The following OPTN variants were observed in gnomAD, a reference collection of about 807,000 sequenced individuals.
The protein encoded by OPTN is optineurin.
In OPTN, 54 loss-of-function variants were observed where a neutral mutation model predicts 70.4. That is an observed-to-expected ratio of 0.77 (90% CI 0.62 to 0.96). The LOEUF (loss-of-function observed/expected upper bound fraction) is 0.96, where lower values mean the gene tolerates loss of function less well. Among genes scored for constraint, OPTN ranks in the 40% least tolerant of loss-of-function variants. The pLI is 0.00. For missense variants in OPTN, 624 were observed against 673.2 expected, an observed-to-expected ratio of 0.93 and a Z score of 0.81; for synonymous variants, 256 against 248.5, an observed-to-expected ratio of 1.03 and a Z score of -0.28.
rs1346865805 is a variant in OPTN, at chr10:13,110,416, G to C, written c.309G>C (p.Glu103Asp). The C allele has an allele frequency of 3.1e-6, 5 of 1,614,026 alleles. No individual in the cohort carries two copies. In the East Asian group the frequency reaches 8.9e-5, roughly 29 times the overall value. The change falls in exon 4 of 15, where the codon GAG becomes GAC. Residue 103 changes from glutamate to aspartate, a missense_variant. Transcript: ENST00000378747. ...AKERLMALSH[E>D]NEKLKEELGK... ...AGCGTCTAATGGCCTTGAGTCATGA[G>C]AATGAGAAATTGAAGGAAGAGCTTG... is the stretch of plus-strand genomic sequence containing the variant.
chr10:13,118,224 G>A (rs1258017854), intron 6 of OPTN, among the ~76,000 whole-genome samples: 1 of 152,246 alleles, frequency 6.6e-6, no homozygotes. Context: ...TATTAGCTAT[G>A]CGAACCTGAG....
chr10:13,113,066 G>A (rs567077144), intron 5 of OPTN, among the ~76,000 whole-genome samples: 25 of 152,140 alleles, frequency 1.6e-4, no homozygotes, highest in Admixed American at 6.5e-4. Context: ...CTGTCTTCCC[G>A]GCTGGAATGC....
At position 13,110,470 on chromosome 10, in the gene OPTN, A is replaced by T; in HGVS notation, c.363A>T (p.Ser121=). The change falls in exon 4 of 15, where the codon TCA becomes TCT. Residue 121 remains serine, a synonymous_variant. Coordinates refer to ENST00000378747, the MANE Select transcript of OPTN (RefSeq NM_001008212.2). ...AACTAAAAGGGAAATCAGAAAGGTC[A>T]TCTGAGGTGAGCAGACCGATCCATT... ...LGKLKGKSER[S]SEDPTDDSRL... is the part of the protein sequence containing the mutation. The T allele has an allele frequency of 6.2e-7, 1 of 1,612,892 alleles. No individual in the cohort carries two copies. Among genetic ancestry groups the T allele is most frequent in the Non-Finnish European group, 8.5e-7 (1 of 1,179,436 alleles).
At chr10:13,134,976 A>G (rs1376544236) in intron 14 of OPTN, among the ~76,000 whole-genome samples, 1 of 152,162 alleles carries the variant, frequency 6.6e-6, no homozygotes, top group Non-Finnish European at 1.5e-5. Context: ...TTCTCTGGCA[A>G]TGGGGTGATT....
At position 13,110,494 on chromosome 10, in the gene OPTN, T is replaced by A; in HGVS notation, c.369+18T>A. 6.4e-7 allele frequency: 1 copy of A among 1,563,376 alleles called. No individual in the cohort carries two copies. Among genetic ancestry groups the A allele is most frequent in the Non-Finnish European group, 8.7e-7 (1 of 1,155,840 alleles). On this transcript the variant is annotated intron_variant, in intron 4 of 14. Coordinates refer to ENST00000378747, the MANE Select transcript of OPTN (RefSeq NM_001008212.2). ...CATCTGAGGTGAGCAGACCGATCCATTGTGATGTTGTTTTTTTTTTTTCCC... is the reference window on the plus strand; with the variant it reads ...CATCTGAGGTGAGCAGACCGATCCAATGTGATGTTGTTTTTTTTTTTTCCC...
intron 14 of OPTN, 124 bp downstream of exon 14, chr10:13,133,705 G>A (rs911355176): frequency 3.1e-5 from 25 of 810,042 alleles, no homozygotes; most frequent in African/African-American, 6.8e-5. Context: ...TATAGCACCC[G>A]TCAGTCTCAT....
intron 6 of OPTN, among the ~76,000 whole-genome samples, chr10:13,118,366 T>C (rs1225052115): frequency 6.6e-6 from 1 of 152,242 alleles, no homozygotes; most frequent in Non-Finnish European, 1.5e-5. Context: ...AGAAAAATAC[T>C]TGACATATCA....
intron 1 of OPTN, among the ~76,000 whole-genome samples, chr10:13,101,392 AC>A (rs1288671596): frequency 1.4e-5 from 1 of 71,656 alleles, no homozygotes; most frequent in Non-Finnish European, 2.8e-5. Context: ...CCTAACCTCC[AC>A]CCCCCCACCC....
At chr10:13,116,450 GA>G in intron 6 of OPTN, 110 bp downstream of exon 6, 1 of 767,828 alleles carries the variant, frequency 1.3e-6, no homozygotes, top group South Asian at 1.4e-5. Context: ...ACTTCTTTAT[GA>G]TTTATACCAG....
chr10:13,122,454 G>A lies in OPTN; in HGVS notation c.849G>A (p.Glu283=), dbSNP rs1833371164. 1 of 1,613,916 alleles carries A rather than the reference G, an allele frequency of 6.2e-7. No homozygotes were observed. The highest frequency in any genetic ancestry group is 8.5e-7 in the Non-Finnish European group (1 of 1,179,894). The change falls in exon 8 of 15, where the codon GAG becomes GAA. Residue 283 remains glutamate (E), a synonymous_variant. Coordinates refer to ENST00000378747, the MANE Select transcript of OPTN (RefSeq NM_001008212.2). ...EIETQTEGST[E]KENDEEKGPE... is the part of the protein sequence containing the mutation. ...AAACCCAGACAGAGGGGAGCACAGA[G>A]AAAGAGAATGATGAAGAGAAAGGCC... is the stretch of plus-strand genomic sequence containing the variant.
chr10:13,111,599 A>G (rs991215968), intron 4 of OPTN, among the ~76,000 whole-genome samples: 2 of 151,934 alleles, frequency 1.3e-5, no homozygotes, highest in Admixed American at 6.6e-5. Context: ...TTGGGAGGCT[A>G]AGGCAGGAGA....
chr10:13,109,315 C>T, intron 3 of OPTN, 27 bp downstream of exon 3: 1 of 1,612,694 alleles, frequency 6.2e-7, no homozygotes, highest in Non-Finnish European at 8.5e-7. Context: ...CCTGTGTGCC[C>T]CATTCATCCT....
Position 13,112,640 on chromosome 10 carries a change from G to C in OPTN, c.552+5G>C, listed in dbSNP as rs777454755. On this transcript the variant is annotated splice_donor_5th_base_variant and intron_variant, in intron 5 of 14. Coordinates refer to ENST00000378747, the MANE Select transcript of OPTN (RefSeq NM_001008212.2). ...TTTGTTGAAATTAGGATGGCTGTGAGTTTTTGGTTTTATTTTTGTTTTGAG... is the reference window on the plus strand; with the variant it reads ...TTTGTTGAAATTAGGATGGCTGTGACTTTTTGGTTTTATTTTTGTTTTGAG... 1.9e-6 allele frequency: 3 copies of C among 1,613,934 alleles called. No homozygotes were observed. The highest frequency in any genetic ancestry group is 2.5e-6 in the Non-Finnish European group (3 of 1,179,958).
At chr10:13,136,374 G>A (rs995157770) in intron 14 of OPTN, among the ~76,000 whole-genome samples, 3 of 151,846 alleles carry the variant, frequency 2.0e-5, no homozygotes, top group Non-Finnish European at 4.4e-5. Context: ...TGGGCGTGGT[G>A]GCGCGCACCT....
chr10:13,127,443 CT>C (rs34210203), intron 11 of OPTN, among the ~76,000 whole-genome samples: 1 of 151,912 alleles, frequency 6.6e-6, no homozygotes, highest in Non-Finnish European at 1.5e-5. Context: ...GTGTTATCAC[CT>C]TTTTTTTAGG....
chr10:13,124,607 C>T (rs1465050241), intron 9 of OPTN, among the ~76,000 whole-genome samples: 2 of 152,184 alleles, frequency 1.3e-5, no homozygotes, highest in African/African-American at 4.8e-5. Flanking sequence ...ACTTAGCAAA[C>T]CTAAGTTGAT....
chr10:13,100,701 A>C (rs1216391086), intron 1 of OPTN, among the ~76,000 whole-genome samples: 1 of 152,232 alleles, frequency 6.6e-6, no homozygotes, highest in African/African-American at 2.4e-5. Context: ...ACATGGGACC[A>C]CTACCCGAGC....
intron 5 of OPTN, among the ~76,000 whole-genome samples, chr10:13,115,485 T>G (rs527974884): frequency 9.9e-6 from 1 of 101,502 alleles, no homozygotes; most frequent in African/African-American, 5.4e-5. Context: ...ATATAATATA[T>G]TCTATATTAT....
chr10:13,138,251 T>C lies in OPTN; in HGVS notation c.*1385T>C, dbSNP rs546352206. 33 of 182,324 alleles carry C rather than the reference T, an allele frequency of 1.8e-4. No individual in the cohort carries two copies. Among genetic ancestry groups the C allele is most frequent in the South Asian group, 3.9e-4 (2 of 5,072 alleles). The allele number at this position is 182,324 out of a possible 1,614,324, so 11.3% of individuals were successfully genotyped here. On this transcript the variant is annotated 3_prime_UTR_variant, in exon 15 of 15. Transcript: ENST00000378747. ...CCAGCTGTAAAAGTAAACAGTGTGT[T>C]TATGCATTGAGATACTAAAGCATTT...
Sources: allele counts gnomAD v4.1 joint callset (sites outside exome capture counted in the v4.1 genomes callset), GRCh38; gene constraint gnomAD v4.1.1; transcripts MANE v1.5; gene names NCBI Gene and HGNC (gene_info 2026-07-23, HGNC 2026-07-21).